SPMIP2: variants seen among roughly 807,000 people sequenced by gnomAD.
The protein encoded by SPMIP2 is sperm microtubule inner protein 2, also known as protein SPMIP2.
the SPMIP2 span, among the ~76,000 whole-genome samples, chr4:158,935,891 C>T: frequency 3.9e-5 from 6 of 152,190 alleles, no homozygotes; most frequent in South Asian, 2.1e-4. Flanking sequence ...AGGGACCCGC[C>T]GGGGCTGCTG....
At chr4:158,931,647 C>A in the SPMIP2 span, among the ~76,000 whole-genome samples, 1 of 152,134 alleles carries the variant, frequency 6.6e-6, no homozygotes, top group Non-Finnish European at 1.5e-5. Context: ...ACCACAACCT[C>A]CACCTCCCAG....
At chr4:159,082,303 A>G in the SPMIP2 span, among the ~76,000 whole-genome samples, 4 of 152,114 alleles carry the variant, frequency 2.6e-5, no homozygotes, top group Non-Finnish European at 5.9e-5. Context: ...ATTGCACTCC[A>G]GCCTGGGTGA....
the SPMIP2 span, among the ~76,000 whole-genome samples, chr4:158,979,283 G>C: frequency 1.3e-5 from 2 of 152,204 alleles, no homozygotes; most frequent in African/African-American, 4.8e-5. Flanking sequence ...ATCTTAGCTT[G>C]CTGGGCTCCA....
At chr4:159,000,868 G>A in the SPMIP2 span, among the ~76,000 whole-genome samples, 1 of 152,008 alleles carries the variant, frequency 6.6e-6, no homozygotes, top group Non-Finnish European at 1.5e-5. Flanking sequence ...CCTTTTTATT[G>A]CTGAGTAATA....
the SPMIP2 span, among the ~76,000 whole-genome samples, chr4:158,936,837 C>A: frequency 6.6e-6 from 1 of 152,180 alleles, no homozygotes; most frequent in East Asian, 1.9e-4. Context: ...GGTGTTACTG[C>A]TGACACAGAC....
At chr4:158,944,943 T>C in the SPMIP2 span, among the ~76,000 whole-genome samples, 1 of 152,172 alleles carries the variant, frequency 6.6e-6, no homozygotes, top group Non-Finnish European at 1.5e-5. Flanking sequence ...CCCTTGTCGC[T>C]TTGGGTACTA....
the SPMIP2 span, chr4:158,960,365 A>G: frequency 3.5e-6 from 5 of 1,418,202 alleles, no homozygotes; most frequent in Non-Finnish European, 3.9e-6. Context: ...AAGAAAATTA[A>G]TGTACCATAA....
the SPMIP2 span, among the ~76,000 whole-genome samples, chr4:158,990,182 A>C: frequency 6.6e-6 from 1 of 152,246 alleles, no homozygotes; most frequent in Non-Finnish European, 1.5e-5. Context: ...ATTAGATTCC[A>C]TCTCACACCA....
chr4:159,070,715 A>T, the SPMIP2 span, among the ~76,000 whole-genome samples: 20 of 152,324 alleles, frequency 1.3e-4, no homozygotes, highest in South Asian at 3.9e-3. Context: ...CTTATTAGAG[A>T]AGAGTGCTGT....
the SPMIP2 span, among the ~76,000 whole-genome samples, chr4:159,037,783 TATACACACACACACACAC>T: frequency 2.0e-5 from 2 of 97,694 alleles, no homozygotes; most frequent in East Asian, 3.1e-4. Flanking sequence ...AAAAACAATA[TATACACACACACACACAC>T]ACACACACAC....
chr4:159,006,884 AG>A, the SPMIP2 span, among the ~76,000 whole-genome samples: 1 of 152,326 alleles, frequency 6.6e-6, no homozygotes, highest in South Asian at 2.1e-4. Context: ...ACGAGGGCTG[AG>A]GGTCCTCCCT....
the SPMIP2 span, chr4:159,026,549 A>C: frequency 1.9e-6 from 1 of 521,658 alleles, no homozygotes; most frequent in East Asian, 4.3e-5. Flanking sequence ...CACTTTGGAC[A>C]GGAAATAGCT....
At chr4:159,030,788 C>G in the SPMIP2 span, among the ~76,000 whole-genome samples, 1 of 152,122 alleles carries the variant, frequency 6.6e-6, no homozygotes, top group Admixed American at 6.6e-5. Context: ...TGAGCCACCA[C>G]GTCCAGCCAA....
At chr4:159,034,092 G>A in the SPMIP2 span, among the ~76,000 whole-genome samples, 1,191 of 152,288 alleles carry the variant, frequency 7.8e-3, 14 homozygotes, top group African/African-American at 0.027. Flanking sequence ...AGCCCAGATC[G>A]TGCCATTGCA....
At chr4:159,070,283 A>G in the SPMIP2 span, among the ~76,000 whole-genome samples, 1 of 152,260 alleles carries the variant, frequency 6.6e-6, no homozygotes, top group Admixed American at 6.5e-5. Flanking sequence ...CAGTGAAGTC[A>G]GAAAATCTTT....
chr4:159,043,466 G>A, the SPMIP2 span, among the ~76,000 whole-genome samples: 1 of 152,108 alleles, frequency 6.6e-6, no homozygotes, highest in Non-Finnish European at 1.5e-5. Flanking sequence ...TCCTGCCTCA[G>A]CCTCCCGAGT....
At chr4:158,901,223 C>T in the SPMIP2 span, among the ~76,000 whole-genome samples, 2 of 151,552 alleles carry the variant, frequency 1.3e-5, no homozygotes, top group Non-Finnish European at 2.9e-5. Flanking sequence ...ACCTCCGCCC[C>T]TCCAGGTTTA....
chr4:158,908,652 C>A, the SPMIP2 span, among the ~76,000 whole-genome samples: 1 of 152,062 alleles, frequency 6.6e-6, no homozygotes, highest in Non-Finnish European at 1.5e-5. Flanking sequence ...CATTTGTAGC[C>A]CCTGCATTCA....
chr4:158,979,792 T>TTG, the SPMIP2 span, among the ~76,000 whole-genome samples: 6 of 68,974 alleles, frequency 8.7e-5, no homozygotes, highest in Non-Finnish European at 1.7e-4. Flanking sequence ...TGCAAGAGTT[T>TTG]TTTTTTTTTT....
Sources: allele counts gnomAD v4.1 joint callset (sites outside exome capture counted in the v4.1 genomes callset), GRCh38; gene constraint gnomAD v4.1.1; transcripts MANE v1.5; gene names NCBI Gene and HGNC (gene_info 2026-07-23, HGNC 2026-07-21).